TENM2: variants seen among roughly 807,000 people sequenced by gnomAD.
The protein encoded by TENM2 is teneurin-2.
A neutral mutation model predicts 245.2 loss-of-function variants in TENM2; 52 were observed. That is an observed-to-expected ratio of 0.21 (90% CI 0.17 to 0.27). TENM2 has a LOEUF of 0.27. Among genes scored for constraint, TENM2 ranks in the 10% least tolerant of loss-of-function variants. TENM2 has a pLI of 1.00. For missense variants in TENM2, 3,046 were observed against 3,666.8 expected, an observed-to-expected ratio of 0.83 and a Z score of 4.37; for synonymous variants, 1,363 against 1,438.9, an observed-to-expected ratio of 0.95 and a Z score of 1.19.
chr5:167,755,656 T>G (rs1348218804), intron 2 of TENM2, among the ~76,000 whole-genome samples: 1 of 152,160 alleles, frequency 6.6e-6, no homozygotes, highest in Admixed American at 6.5e-5. Flanking sequence ...TGGGATTGGC[T>G]TTACCCTTTA....
intron 2 of TENM2, among the ~76,000 whole-genome samples, chr5:167,696,253 CTTA>C (rs1395192130): frequency 6.6e-6 from 1 of 151,992 alleles, no homozygotes; most frequent in African/African-American, 2.4e-5. Context: ...AAAAAAGTAG[CTTA>C]TTATTTTTTC....
chr5:167,042,852 GTA>G, the TENM2 span, among the ~76,000 whole-genome samples: 2 of 152,208 alleles, frequency 1.3e-5, no homozygotes, highest in African/African-American at 4.8e-5. Context: ...ATGTTAGCCT[GTA>G]TGGTCAGATA....
At chr5:168,121,412 A>C (rs760870824) in intron 10 of TENM2, among the ~76,000 whole-genome samples, 17 of 152,218 alleles carry the variant, frequency 1.1e-4, no homozygotes, top group Non-Finnish European at 1.9e-4. Context: ...TTCATAGTAA[A>C]ACTGCTCCTC....
At chr5:168,107,632 G>T (rs1030585892) in intron 9 of TENM2, among the ~76,000 whole-genome samples, 25 of 152,104 alleles carry the variant, frequency 1.6e-4, no homozygotes, top group South Asian at 1.0e-3. Context: ...TGATGTCCAA[G>T]GTCATCCACG....
the TENM2 span, among the ~76,000 whole-genome samples, chr5:167,217,985 C>A: frequency 6.6e-6 from 1 of 152,030 alleles, no homozygotes; most frequent in Admixed American, 6.6e-5. Flanking sequence ...CACATCAAAA[C>A]AAATCAATAG....
chr5:167,498,801 A>G (rs1768984845), intron 2 of TENM2, among the ~76,000 whole-genome samples: 1 of 152,066 alleles, frequency 6.6e-6, no homozygotes, highest in South Asian at 2.1e-4. Context: ...ATGTCTCACC[A>G]CTTTCCTCTT....
At chr5:167,319,978 A>G (rs1756613048) in intron 1 of TENM2, among the ~76,000 whole-genome samples, 1 of 152,184 alleles carries the variant, frequency 6.6e-6, no homozygotes, top group South Asian at 2.1e-4. Flanking sequence ...CTCTACTAGC[A>G]GTAATGATAG....
intron 2 of TENM2, among the ~76,000 whole-genome samples, chr5:167,832,381 T>C (rs1408509350): frequency 6.6e-6 from 1 of 152,218 alleles, no homozygotes; most frequent in Non-Finnish European, 1.5e-5. Flanking sequence ...CGCTTGTCTG[T>C]GTAGACCATG....
intron 28 of TENM2, among the ~76,000 whole-genome samples, chr5:168,260,840 G>A (rs1338409825): frequency 6.6e-6 from 1 of 152,130 alleles, no homozygotes; most frequent in African/African-American, 2.4e-5. Flanking sequence ...GCGCTTTATG[G>A]CCAAGCATAT....
At chr5:167,945,703 T>G (rs753142474) in intron 3 of TENM2, among the ~76,000 whole-genome samples, 2 of 152,222 alleles carry the variant, frequency 1.3e-5, no homozygotes, top group African/African-American at 4.8e-5. Context: ...TCGGAATGTT[T>G]TTCTCTGAGG....
chr5:168,051,592 C>T (rs1789092518), intron 6 of TENM2, among the ~76,000 whole-genome samples: 1 of 152,174 alleles, frequency 6.6e-6, no homozygotes, highest in African/African-American at 2.4e-5. Context: ...TCACTTCTTC[C>T]TACTTGACCA....
At chr5:167,566,759 C>CT (rs1225681407) in intron 2 of TENM2, among the ~76,000 whole-genome samples, 1 of 152,184 alleles carries the variant, frequency 6.6e-6, no homozygotes, top group African/African-American at 2.4e-5. Flanking sequence ...TAAATTCTTA[C>CT]TTAGAGTTTC....
chr5:167,454,926 A>G (rs990248901), intron 2 of TENM2, among the ~76,000 whole-genome samples: 1 of 152,166 alleles, frequency 6.6e-6, no homozygotes, highest in Non-Finnish European at 1.5e-5. Context: ...AGGGCAAGGG[A>G]TGCTTCTTCA....
At chr5:167,952,972 G>A (rs1461785300) in intron 4 of TENM2, 150 bp downstream of exon 6, 7 of 666,946 alleles carry the variant, frequency 1.0e-5, no homozygotes, top group Non-Finnish European at 1.8e-5. Flanking sequence ...TGTTCCCTTG[G>A]TAATTTGACC....
chr5:167,692,744 G>A (rs1757514062), intron 2 of TENM2, among the ~76,000 whole-genome samples: 1 of 152,212 alleles, frequency 6.6e-6, no homozygotes, highest in African/African-American at 2.4e-5. Context: ...GAAAAAGATA[G>A]ATCGATTAGA....
chr5:167,020,294 T>C, the TENM2 span, among the ~76,000 whole-genome samples: 1 of 152,212 alleles, frequency 6.6e-6, no homozygotes, highest in Non-Finnish European at 1.5e-5. Context: ...GCTCAAGTTA[T>C]TGAAAATAAT....
At chr5:168,199,615 A>G (rs575076985) in intron 16 of TENM2, among the ~76,000 whole-genome samples, 1 of 152,344 alleles carries the variant, frequency 6.6e-6, no homozygotes, top group East Asian at 1.9e-4. Flanking sequence ...TGGCTTTTTA[A>G]AAAGAAACAC....
At chr5:167,991,301 T>C (rs948985024) in intron 4 of TENM2, among the ~76,000 whole-genome samples, 2 of 152,220 alleles carry the variant, frequency 1.3e-5, no homozygotes, top group African/African-American at 4.8e-5. Flanking sequence ...ATTCATTCAC[T>C]CATTCATTCA....
the TENM2 span, among the ~76,000 whole-genome samples, chr5:167,007,544 T>G: frequency 6.6e-6 from 1 of 152,246 alleles, no homozygotes; most frequent in African/African-American, 2.4e-5. This position sits in a 1 kb window ranked among gnomAD's most constrained non-coding sequence, Gnocchi z 4.2. Context: ...CCTGCTGTCC[T>G]GTGGTACTTT....
Sources: gnomAD v4.1 joint callset for allele counts (sites outside exome capture counted in the v4.1 genomes callset) on GRCh38, gnomAD v4.1.1 for gene constraint, Gnocchi (gnomAD v3.1) non-coding constraint, MANE v1.5 for transcripts, NCBI Gene and HGNC (gene_info 2026-07-23, HGNC 2026-07-21) for gene names.